PALS1: variants seen among roughly 807,000 people sequenced by gnomAD.
The protein encoded by PALS1 is protein PALS1.
Under a neutral mutation model 78.9 loss-of-function variants are expected in PALS1, and 31 were observed. That is an observed-to-expected ratio of 0.39 (90% CI 0.30 to 0.53). PALS1 has a LOEUF of 0.53. Ranked by LOEUF, PALS1 falls within the 20% of genes least tolerant of loss-of-function variation. PALS1 has a pLI of 0.67. For synonymous variants in PALS1, 276 were observed against 270.9 expected (o/e 1.02, Z -0.18); for missense variants, 704 against 826.5 (o/e 0.85, Z 1.82).
chr14:67,260,218 G>T (rs2084214254), intron 1 of PALS1, among the ~76,000 whole-genome samples: 1 of 152,122 alleles, frequency 6.6e-6, no homozygotes, highest in South Asian at 2.1e-4. Context: ...TTATGAATGA[G>T]GACATTCCTC....
chr14:67,274,729 C>T lies in PALS1; in HGVS notation c.-153-4289C>T, dbSNP rs1199464059. 3.9e-5 allele frequency among the ~76,000 whole-genome samples: 6 copies of T among 152,268 alleles called. 1 individual carries two copies. Among genetic ancestry groups the T allele is most frequent in the Non-Finnish European group, 1.5e-5 (1 of 68,030 alleles). On this transcript the variant is annotated intron_variant, in intron 2 of 14. Coordinates refer to ENST00000261681, the MANE Select transcript of PALS1 (RefSeq NM_022474.4). The stretch of plus-strand genomic sequence containing the variant: ...ACCTTGGGCAGTATGGCCATTTTCA[C>T]GATATTGATTCTTCCCATCCATGAG...
At chr14:67,268,125 A>AAC (rs2084357320) in intron 1 of PALS1, among the ~76,000 whole-genome samples, 1 of 152,166 alleles carries the variant, frequency 6.6e-6, no homozygotes, top group African/African-American at 2.4e-5. Flanking sequence ...TGGAAACTGT[A>AAC]TGTTTAACTT....
chr14:67,241,880 C>A (rs1023448557), intron 1 of PALS1: 1 of 151,948 alleles, frequency 6.6e-6, no homozygotes, highest in African/African-American at 2.4e-5. Context: ...TCTCCGAGGT[C>A]GCGACGCGCG....
intron 5 of PALS1, 68 bp from the exon 6 acceptor site, chr14:67,301,904 G>A (rs2140892400): frequency 3.4e-6 from 5 of 1,489,320 alleles, no homozygotes; most frequent in Non-Finnish European, 4.5e-6. Context: ...TATGTACATA[G>A]GTTAAAAATC....
intron 4 of PALS1, among the ~76,000 whole-genome samples, chr14:67,300,336 C>CTTTTTTTTTTTTTTTTTTTTTT (rs36091817): frequency 1.1e-4 from 15 of 139,084 alleles, no homozygotes; most frequent in Middle Eastern, 3.7e-3. Context: ...TATGAATTAC[C>CTTTTTTTTTTTTTTTTTTTTTT]TTTTTTTTTT....
intron 4 of PALS1, among the ~76,000 whole-genome samples, chr14:67,296,757 C>G (rs941472425): frequency 2.0e-5 from 3 of 152,060 alleles, no homozygotes; most frequent in Admixed American, 2.0e-4. Flanking sequence ...TGTTTTGAGA[C>G]AGAGTCTTGC....
chr14:67,316,798 A>T (rs2085182137), intron 9 of PALS1, 34 bp from the exon 10 acceptor site: 2 of 1,566,642 alleles, frequency 1.3e-6, no homozygotes, highest in Non-Finnish European at 8.7e-7. Flanking sequence ...TTTATCTTAA[A>T]TATTTTACCC....
In PALS1 at chr14:67,292,615, G is replaced by C. The variant is rs1274787229; in HGVS notation, c.472G>C (p.Asp158His). Residue 158 changes from aspartate (D) to histidine (H), a missense_variant, in exon 4 of 15, where the codon GAT (aspartate) becomes CAT (histidine). Coordinates refer to ENST00000261681, the MANE Select transcript of PALS1 (RefSeq NM_022474.4). Reference protein sequence around the residue: ...SLLLQLVQNKDFQNAFKIHNA... With the variant: ...SLLLQLVQNKHFQNAFKIHNA... Reference sequence around the variant, plus strand: ...GCTTTTACAACTTGTTCAAAATAAGGATTTCCAGAATGCATTTAAGATACA... The same window carrying C: ...GCTTTTACAACTTGTTCAAAATAAGCATTTCCAGAATGCATTTAAGATACA... The C allele has an allele frequency of 1.2e-6, 2 of 1,613,454 alleles. No homozygotes were observed. The highest frequency in any genetic ancestry group is 1.7e-6 in the Non-Finnish European group (2 of 1,179,720).
chr14:67,295,667 C>T (rs2084837482), intron 4 of PALS1, among the ~76,000 whole-genome samples: 1 of 152,208 alleles, frequency 6.6e-6, no homozygotes, highest in Non-Finnish European at 1.5e-5. Context: ...GATACAGTTA[C>T]ACTGACACCA....
intron 1 of PALS1, among the ~76,000 whole-genome samples, chr14:67,265,020 A>G (rs1466328665): frequency 6.6e-6 from 1 of 152,068 alleles, no homozygotes; most frequent in African/African-American, 2.4e-5. Flanking sequence ...TTGAAATCTT[A>G]CTGGGTTTTT....
intron 1 of PALS1, among the ~76,000 whole-genome samples, chr14:67,247,255 C>T (rs1481268943): frequency 1.3e-5 from 2 of 151,994 alleles, no homozygotes; most frequent in Non-Finnish European, 2.9e-5. Flanking sequence ...TAAGTCTATA[C>T]CTAATTATTT....
At chr14:67,295,586 A>G (rs1221547473) in intron 4 of PALS1, among the ~76,000 whole-genome samples, 1 of 152,148 alleles carries the variant, frequency 6.6e-6, no homozygotes, top group South Asian at 2.1e-4. Flanking sequence ...GGAAATCCAA[A>G]TGGCCAATAG....
chr14:67,301,695 T>TC (rs1166088390), intron 5 of PALS1, among the ~76,000 whole-genome samples: 1 of 152,178 alleles, frequency 6.6e-6, no homozygotes, highest in South Asian at 2.1e-4. Flanking sequence ...CAAAAATTCT[T>TC]CCCCCCTTTG....
intron 3 of PALS1, among the ~76,000 whole-genome samples, chr14:67,285,277 C>T (rs1595584801): frequency 6.6e-6 from 1 of 152,094 alleles, no homozygotes; most frequent in South Asian, 2.1e-4. Context: ...GGGTATAGGT[C>T]CCTAGAAGCT....
intron 2 of PALS1, among the ~76,000 whole-genome samples, chr14:67,272,697 C>T (rs560833147): frequency 6.6e-6 from 1 of 152,334 alleles, no homozygotes; most frequent in South Asian, 2.1e-4. Context: ...CTCGCGCTGT[C>T]TCCCAGGCTG....
intron 10 of PALS1, 64 bp downstream of exon 10, chr14:67,316,967 AAT>A: frequency 1.5e-6 from 2 of 1,292,146 alleles, no homozygotes; most frequent in Middle Eastern, 1.9e-4. Context: ...GCCATGTGTG[AAT>A]CTGCATATTA....
At chr14:67,281,421 A>G (rs2084607741) in intron 3 of PALS1, among the ~76,000 whole-genome samples, 1 of 152,132 alleles carries the variant, frequency 6.6e-6, no homozygotes, top group African/African-American at 2.4e-5. Flanking sequence ...AAAGAATTTT[A>G]TGCTCTTTTT....
At chr14:67,283,536 ATT>A (rs1340859275) in intron 3 of PALS1, among the ~76,000 whole-genome samples, 3 of 152,288 alleles carry the variant, frequency 2.0e-5, no homozygotes, top group Admixed American at 2.0e-4. Context: ...TTACTATCAA[ATT>A]TTTGTTTAGC....
At chr14:67,265,432 T>G (rs1286241374) in intron 1 of PALS1, among the ~76,000 whole-genome samples, 1 of 152,094 alleles carries the variant, frequency 6.6e-6, no homozygotes, top group African/African-American at 2.4e-5. Context: ...GGCGTGTGCC[T>G]GTAGTCCCAG....
Sources: gnomAD v4.1 joint callset for allele counts (sites outside exome capture counted in the v4.1 genomes callset) on GRCh38, gnomAD v4.1.1 for gene constraint, MANE v1.5 for transcripts, NCBI Gene and HGNC (gene_info 2026-07-23, HGNC 2026-07-21) for gene names.